The following SH3BP5 variants were observed in gnomAD, a reference collection of about 807,000 sequenced individuals.
SH3BP5 encodes SH3 domain-binding protein 5.
In SH3BP5, 22 loss-of-function variants were observed where a neutral mutation model predicts 43.3. The observed-to-expected ratio is 0.51, with a 90% CI of 0.36 to 0.73. SH3BP5 has a LOEUF of 0.73. Among genes scored for constraint, SH3BP5 ranks in the 30% least tolerant of loss-of-function variants. SH3BP5 has a pLI of 0.00. For missense variants in SH3BP5, 529 were observed against 586.9 expected, an observed-to-expected ratio of 0.90 and a Z score of 1.02; for synonymous variants, 255 against 225.8, an observed-to-expected ratio of 1.13 and a Z score of -1.16.
intron 2 of SH3BP5, among the ~76,000 whole-genome samples, chr3:15,310,407 T>C (rs1024207006): frequency 6.6e-6 from 1 of 152,228 alleles, no homozygotes; most frequent in Non-Finnish European, 1.5e-5. Context: ...CTTGCCACAA[T>C]TGAACTTAGA....
intron 3 of SH3BP5, among the ~76,000 whole-genome samples, chr3:15,303,045 T>G (rs1697796971): frequency 6.6e-6 from 1 of 152,178 alleles, no homozygotes; most frequent in African/African-American, 2.4e-5. Context: ...TGACCTCAAG[T>G]GATCTGCCCA....
chr3:15,298,605 G>A lies in SH3BP5; in HGVS notation c.330+5498C>T, dbSNP rs186274326. Among the ~76,000 whole-genome samples, 193 of 152,192 alleles carry A rather than the reference G, an allele frequency of 1.3e-3. 1 individual carries two copies. The highest frequency in any genetic ancestry group is 4.5e-3 in the African/African-American group (188 of 41,496). On this transcript the variant is annotated intron_variant, in intron 3 of 8. Transcript: ENST00000383791. ...ATGGATGAATGGATAAATAAAACGT[G>A]GTATATACATTCAGTGAAAGGAAAT...
At chr3:15,256,583 C>G in intron 8 of SH3BP5, 2 of 592,216 alleles carry the variant, frequency 3.4e-6, no homozygotes, top group Non-Finnish European at 5.9e-6. Flanking sequence ...TGCTGAGAAA[C>G]AAACCTCTCT....
chr3:15,337,717 G>A (rs1698718087), intron 1 of SH3BP5, among the ~76,000 whole-genome samples: 2 of 151,582 alleles, frequency 1.3e-5, no homozygotes, highest in Non-Finnish European at 2.9e-5. Context: ...ACCAGCCTGG[G>A]CAACATAGTA....
intron 4 of SH3BP5, 128 bp downstream of exon 4, chr3:15,269,585 G>T: frequency 1.0e-6 from 1 of 1,003,074 alleles, no homozygotes; most frequent in Non-Finnish European, 1.4e-6. Context: ...ATACGGAGAT[G>T]ACAACCTGTG....
At position 15,332,327 on chromosome 3, in the gene SH3BP5, C is replaced by A. The variant is rs775229471; in HGVS notation, c.82G>T (p.Glu28Ter). The change falls in exon 1 of 9, where the codon GAA becomes TAA. Residue 28 changes from glutamate (E) to a stop codon, truncating the protein, a stop_gained. Coordinates refer to ENST00000383791, the MANE Select transcript of SH3BP5 (RefSeq NM_004844.5). LOFTEE classifies it high-confidence loss of function. ...PPARDEEEEE[E>*]EGMEQGLEEE... ...TCCAGCCCCTGCTCCATCCCCTCTT[C>A]CTCCTCCTCCTCCTCGTCCCGGGCA... 1 of 1,300,712 alleles carries A rather than the reference C, an allele frequency of 7.7e-7. No homozygotes were observed. The highest frequency in any genetic ancestry group is 1.6e-5 in the South Asian group (1 of 62,326). The allele number at this position is 1,300,712 out of a possible 1,614,324, so 80.6% of individuals were successfully genotyped here.
intron 3 of SH3BP5, among the ~76,000 whole-genome samples, chr3:15,298,565 G>T (rs529715790): frequency 6.6e-6 from 1 of 152,146 alleles, no homozygotes; most frequent in Non-Finnish European, 1.5e-5. Flanking sequence ...AAATAACAAG[G>T]GTTGCCCAAT....
At chr3:15,282,521 G>C (rs974760121) in intron 3 of SH3BP5, among the ~76,000 whole-genome samples, 2 of 151,828 alleles carry the variant, frequency 1.3e-5, no homozygotes, top group Non-Finnish European at 2.9e-5. Flanking sequence ...TTATGTCACT[G>C]GCTTAAGCAA....
chr3:15,303,992 C>T, intron 3 of SH3BP5, 111 bp downstream of exon 3: 2 of 840,166 alleles, frequency 2.4e-6, no homozygotes, highest in Non-Finnish European at 3.9e-6. Flanking sequence ...GCATTTAAGA[C>T]ATATTGGACT....
intron 3 of SH3BP5, among the ~76,000 whole-genome samples, chr3:15,286,724 T>C (rs1322980696): frequency 6.6e-6 from 1 of 152,078 alleles, no homozygotes; most frequent in Non-Finnish European, 1.5e-5. Flanking sequence ...CAGTTAATTT[T>C]TTGTATAGAT....
At chr3:15,268,258 G>A (rs915111713) in intron 4 of SH3BP5, among the ~76,000 whole-genome samples, 1 of 152,188 alleles carries the variant, frequency 6.6e-6, no homozygotes, top group African/African-American at 2.4e-5. Flanking sequence ...GGAAGCACAA[G>A]GCCATCTTTA....
At chr3:15,331,467 G>C (rs182393775) in intron 1 of SH3BP5, among the ~76,000 whole-genome samples, 2 of 152,178 alleles carry the variant, frequency 1.3e-5, no homozygotes, top group Non-Finnish European at 2.9e-5. Context: ...ACGGGCCTTA[G>C]AAAGGGATTT....
chr3:15,324,701 G>T (rs1698416309), intron 2 of SH3BP5, among the ~76,000 whole-genome samples: 2 of 152,126 alleles, frequency 1.3e-5, no homozygotes, highest in African/African-American at 4.8e-5. Flanking sequence ...TGGAGAAAGT[G>T]CTGGGACGTA....
At chr3:15,286,812 C>G (rs1488200531) in intron 3 of SH3BP5, among the ~76,000 whole-genome samples, 1 of 152,212 alleles carries the variant, frequency 6.6e-6, no homozygotes, top group Non-Finnish European at 1.5e-5. Context: ...TCCCAAAGTG[C>G]TGAGATCACA....
At chr3:15,316,834 A>G (rs988203270) in intron 2 of SH3BP5, among the ~76,000 whole-genome samples, 4 of 152,202 alleles carry the variant, frequency 2.6e-5, no homozygotes, top group African/African-American at 9.6e-5. Context: ...ACAAGGCCCG[A>G]GAGGATGGAC....
At chr3:15,307,962 G>A (rs1055861995) in intron 2 of SH3BP5, among the ~76,000 whole-genome samples, 1 of 152,184 alleles carries the variant, frequency 6.6e-6, no homozygotes, top group Non-Finnish European at 1.5e-5. Flanking sequence ...ACATTTGGCT[G>A]ATATGCTGTG....
intron 3 of SH3BP5, among the ~76,000 whole-genome samples, chr3:15,290,318 G>T (rs1445625840): frequency 6.6e-6 from 1 of 151,866 alleles, no homozygotes; most frequent in Non-Finnish European, 1.5e-5. Context: ...CACGAGGTCA[G>T]GAGATGGAGA....
rs556473243 is a variant in SH3BP5 at position 15,255,173 on chromosome 3, A to G, written c.*913T>C. On this transcript the variant is annotated 3_prime_UTR_variant, in exon 9 of 9. Coordinates refer to ENST00000383791, the MANE Select transcript of SH3BP5 (RefSeq NM_004844.5). ...CACATGCCTGCCTACTCCCTTTCCT[A>G]ACTTTAAAGAACTGTTTCCTCTAAG... The G allele has an allele frequency of 1.8e-4, 28 of 152,754 alleles. No homozygotes were observed. Among genetic ancestry groups the G allele is most frequent in the African/African-American group, 6.5e-4 (27 of 41,572 alleles). 9.5% of individuals were successfully genotyped at this position (152,754 alleles called of 1,614,324 possible).
At chr3:15,300,778 C>T (rs1444539076) in intron 3 of SH3BP5, among the ~76,000 whole-genome samples, 1 of 152,140 alleles carries the variant, frequency 6.6e-6, no homozygotes, top group East Asian at 1.9e-4. Flanking sequence ...CCTTTTCTAC[C>T]CTGCTTCTTC....
Sources: gnomAD v4.1 joint callset for allele counts (sites outside exome capture counted in the v4.1 genomes callset) on GRCh38, gnomAD v4.1.1 for gene constraint, MANE v1.5 for transcripts, NCBI Gene and HGNC (gene_info 2026-07-23, HGNC 2026-07-21) for gene names.